Variants in RNF150 observed in about 807,000 individuals in gnomAD.
RNF150 encodes the protein ring finger protein 150.
In RNF150, 24 loss-of-function variants were observed where a neutral mutation model predicts 39.3. The observed-to-expected ratio is 0.61, with a 90% CI of 0.44 to 0.86. The LOEUF is 0.86. Ranked by LOEUF, RNF150 falls within the 40% of genes least tolerant of loss-of-function variation. RNF150 has a pLI of 0.00. For missense variants in RNF150, 502 were observed against 587.8 expected (o/e 0.85, Z 1.51); for synonymous variants, 255 against 227.3 (o/e 1.12, Z -1.10).
intron 1 of RNF150, among the ~76,000 whole-genome samples, chr4:141,085,674 T>C (rs576554590): frequency 2.6e-5 from 4 of 152,104 alleles, no homozygotes; most frequent in African/African-American, 7.2e-5. Flanking sequence ...CATAAAAAAT[T>C]GGTTGTTTTA....
intron 6 of RNF150, among the ~76,000 whole-genome samples, chr4:140,890,909 C>T (rs1331519885): frequency 6.6e-6 from 1 of 152,206 alleles, no homozygotes; most frequent in Admixed American, 6.5e-5. Flanking sequence ...GAGTTTAATG[C>T]AGCTTCCAGA....
chr4:140,897,356 G>A (rs1047782661), intron 6 of RNF150, among the ~76,000 whole-genome samples: 5 of 152,154 alleles, frequency 3.3e-5, no homozygotes, highest in African/African-American at 1.2e-4. Context: ...TGAAACTCTG[G>A]CTTTAGAACG....
intron 1 of RNF150, among the ~76,000 whole-genome samples, chr4:141,005,538 G>C (rs1463232681): frequency 6.6e-6 from 1 of 152,138 alleles, no homozygotes; most frequent in Non-Finnish European, 1.5e-5. Flanking sequence ...TGTTTTCAGG[G>C]ACCAGAACTG....
chr4:140,951,551 G>GTT (rs35787999), intron 2 of RNF150, among the ~76,000 whole-genome samples: 3 of 139,578 alleles, frequency 2.1e-5, no homozygotes, highest in Admixed American at 7.1e-5. Flanking sequence ...TGTTGTTGTT[G>GTT]TTTTTTTTTT....
intron 1 of RNF150, among the ~76,000 whole-genome samples, chr4:140,971,251 TG>T (rs1206781863): frequency 2.0e-5 from 3 of 151,304 alleles, no homozygotes; most frequent in African/African-American, 7.3e-5. Flanking sequence ...CTTCTGTGGG[TG>T]GGTGTGAGGC....
intron 1 of RNF150, among the ~76,000 whole-genome samples, chr4:141,115,534 G>T (rs995622009): frequency 1.3e-5 from 2 of 152,070 alleles, no homozygotes; most frequent in African/African-American, 4.8e-5. Context: ...TCATGGATAG[G>T]AAGAATATCG....
chr4:140,909,976 A>G lies in RNF150; in HGVS notation c.1198+1168T>C, dbSNP rs904992270. On this transcript the variant is annotated intron_variant, in intron 6 of 6. Coordinates refer to ENST00000515673, the MANE Select transcript of RNF150 (RefSeq NM_020724.2). ...TCAAATCCCATGGATCATCTCAACT[A>G]TATAATAAAAGATGATCAGGAAATA... Among the ~76,000 whole-genome samples, 4 of 152,318 alleles carry G rather than the reference A, an allele frequency of 2.6e-5. No homozygotes were observed. The South Asian group carries it at 6.2e-4, about 24-fold the overall frequency.
intron 3 of RNF150, among the ~76,000 whole-genome samples, 181 bp from the exon 4 acceptor site, chr4:140,947,917 G>C (rs1459802284): frequency 6.6e-6 from 1 of 152,098 alleles, no homozygotes. Context: ...TCTACTTCTT[G>C]TTTCTAGGTT....
At position 141,040,101 on chromosome 4, in the gene RNF150, T is replaced by C. The variant is rs184466324; in HGVS notation, c.485-72228A>G. ...AAACTTAAACTTACCTTTGCTGCTA[T>C]GTTTGGTGATCTCTCTCGATTTCTA... On this transcript the variant is annotated intron_variant, in intron 1 of 6. Transcript: ENST00000515673. Among the ~76,000 whole-genome samples, 70 of 152,160 alleles carry C rather than the reference T, an allele frequency of 4.6e-4. No individual in the cohort carries two copies. The East Asian group carries it at 0.013, about 28-fold the overall frequency.
rs895629185 is a variant in RNF150 at position 141,014,975 on chromosome 4, CTG to C, written c.485-47104_485-47103del. Reference sequence around the variant, plus strand: ...CAGGTTTTATATTTAAGTTCTTAATCTGTTTTTAGCTGATTTTTTTGACATGG... The same window carrying C: ...CAGGTTTTATATTTAAGTTCTTAATCTTTTTAGCTGATTTTTTTGACATGG... On this transcript the variant is annotated intron_variant, in intron 1 of 6. Coordinates refer to ENST00000515673, the MANE Select transcript of RNF150 (RefSeq NM_020724.2). Among the ~76,000 whole-genome samples, 112 of 152,014 alleles carry C rather than the reference CTG, an allele frequency of 7.4e-4. 1 individual carries two copies. The highest frequency in any genetic ancestry group is 2.3e-3 in the African/African-American group (94 of 41,480).
chr4:140,889,207 T>C (rs1183229576), intron 6 of RNF150, among the ~76,000 whole-genome samples: 1 of 152,138 alleles, frequency 6.6e-6, no homozygotes, highest in African/African-American at 2.4e-5. Flanking sequence ...AAACGATTTA[T>C]TTTCCCTTCT....
At chr4:141,035,254 A>G (rs1220918794) in intron 1 of RNF150, among the ~76,000 whole-genome samples, 1 of 152,172 alleles carries the variant, frequency 6.6e-6, no homozygotes, top group Non-Finnish European at 1.5e-5. Context: ...TGAGGAATGC[A>G]TGAAGTTACA....
rs150299051 is a variant in RNF150 at position 141,167,183 on chromosome 4, G to A, written c.-6+45611C>T. ...GCAGAGAGCCAAATAATGAGTGAAC[G>A]TCCATTCACAGTTGCTACAAAGAGA... On this transcript the variant is annotated intron_variant, in intron 1 of 7. Coordinates refer to the RNF150 transcript ENST00000420921. Among the ~76,000 whole-genome samples, 908 of 152,052 alleles carry A rather than the reference G, an allele frequency of 6.0e-3. 7 individuals carry two copies. Among genetic ancestry groups the A allele is most frequent in the Non-Finnish European group, 0.01 (699 of 67,954 alleles).
chr4:140,984,239 GC>G lies in RNF150; in HGVS notation c.485-16367del, dbSNP rs1344337516. Among the ~76,000 whole-genome samples the G allele has an allele frequency of 4.6e-5, 7 of 152,222 alleles. No homozygotes were observed. The East Asian group carries it at 9.7e-4, about 21-fold the overall frequency. On this transcript the variant is annotated intron_variant, in intron 1 of 6. Transcript: ENST00000515673. ...GGATAGAACTTGGTGATATACCTTG[GC>G]AGATAAAAAATGGGCCTCTTAAGGA... is the stretch of plus-strand genomic sequence containing the variant.
intron 6 of RNF150, among the ~76,000 whole-genome samples, chr4:140,880,555 T>G (rs1729334681): frequency 6.6e-6 from 1 of 151,976 alleles, no homozygotes; most frequent in Admixed American, 6.5e-5. Context: ...GTCTTTTTTT[T>G]TTTTGGAAGA....
At chr4:140,948,633 C>T (rs1732419405) in intron 3 of RNF150, among the ~76,000 whole-genome samples, 1 of 152,100 alleles carries the variant, frequency 6.6e-6, no homozygotes, top group African/African-American at 2.4e-5. Flanking sequence ...GAGACAGGGT[C>T]TTTCTACATT....
chr4:141,190,506 A>G (rs1338965810), intron 1 of RNF150, among the ~76,000 whole-genome samples: 2 of 152,210 alleles, frequency 1.3e-5, no homozygotes, highest in Non-Finnish European at 2.9e-5. Context: ...CAGTCCTATG[A>G]CTACAAGGGA....
chr4:141,037,885 C>A (rs1368397239), intron 1 of RNF150, among the ~76,000 whole-genome samples: 1 of 152,166 alleles, frequency 6.6e-6, no homozygotes, highest in Non-Finnish European at 1.5e-5. Flanking sequence ...TATTCACATT[C>A]CCACCCAGAT....
At chr4:141,021,909 CAAAAGGGA>C (rs1560693173) in intron 1 of RNF150, among the ~76,000 whole-genome samples, 1 of 152,154 alleles carries the variant, frequency 6.6e-6, no homozygotes, top group Non-Finnish European at 1.5e-5. Context: ...GTGCAGAAAT[CAAAAGGGA>C]AAACATGAGA....
Sources: allele counts gnomAD v4.1 joint callset (sites outside exome capture counted in the v4.1 genomes callset), GRCh38; gene constraint gnomAD v4.1.1; transcripts MANE v1.5; gene names NCBI Gene and HGNC (gene_info 2026-07-23, HGNC 2026-07-21).